The following KCNIP3 variants were observed in gnomAD, a reference collection of about 807,000 sequenced individuals.
KCNIP3 encodes the protein calsenilin.
Under a neutral mutation model 35.0 loss-of-function variants are expected in KCNIP3, and 28 were observed. The observed-to-expected ratio is 0.80, with a 90% CI of 0.59 to 1.10. The LOEUF is 1.10. KCNIP3 is among the 50% of genes least tolerant of loss of function. The pLI, the probability that KCNIP3 is intolerant of heterozygous loss-of-function variation, is 0.00. For missense variants in KCNIP3, 295 were observed against 338.4 expected, an observed-to-expected ratio of 0.87 and a Z score of 1.01; for synonymous variants, 134 against 133.8, an observed-to-expected ratio of 1.00 and a Z score of -0.01.
At chr2:95,373,612 C>T (rs1262233772) in intron 2 of KCNIP3, among the ~76,000 whole-genome samples, 3 of 151,944 alleles carry the variant, frequency 2.0e-5, no homozygotes, top group Non-Finnish European at 4.4e-5. Context: ...TTATTAGAGA[C>T]GGGGTTTCAC....
intron 2 of KCNIP3, among the ~76,000 whole-genome samples, chr2:95,326,102 TATA>T (rs1558764062): frequency 2.8e-4 from 39 of 136,980 alleles, no homozygotes; most frequent in Middle Eastern, 4.1e-3. Context: ...CATACACACA[TATA>T]CACATACACA....
chr2:95,356,633 A>G (rs945018087), intron 2 of KCNIP3, among the ~76,000 whole-genome samples: 1 of 152,014 alleles, frequency 6.6e-6, no homozygotes. Flanking sequence ...TGTTTTTGTC[A>G]GGTTTGTCAA....
chr2:95,379,103 A>G (rs1004056968), intron 5 of KCNIP3, among the ~76,000 whole-genome samples: 2 of 151,748 alleles, frequency 1.3e-5, no homozygotes, highest in Non-Finnish European at 2.9e-5. Context: ...ACTCCCTCAG[A>G]CATACAACGT....
At chr2:95,319,409 G>A (rs1379148055) in intron 2 of KCNIP3, among the ~76,000 whole-genome samples, 1 of 152,230 alleles carries the variant, frequency 6.6e-6, no homozygotes, top group Non-Finnish European at 1.5e-5. Flanking sequence ...CCCTTCCTCA[G>A]GAAGTTATTT....
At position 95,377,463 on chromosome 2, in the gene KCNIP3, G is replaced by A. The variant is rs1243981121; in HGVS notation, c.447+2255G>A. ...CTGAGCACCTGCTCCGGGCTCTGCCGGGAGACCCTCCTGTGCACTCTTGTG... is the reference window on the plus strand; with the variant it reads ...CTGAGCACCTGCTCCGGGCTCTGCCAGGAGACCCTCCTGTGCACTCTTGTG... On this transcript the variant is annotated intron_variant, in intron 5 of 8. Transcript: ENST00000295225. The surrounding 1 kb of genome is among the most constrained non-coding windows in gnomAD (Gnocchi z 4.7). Among the ~76,000 whole-genome samples the A allele has an allele frequency of 1.3e-5, 2 of 152,250 alleles. No homozygotes were observed. The highest frequency in any genetic ancestry group is 2.9e-5 in the Non-Finnish European group (2 of 68,046).
chr2:95,375,238 C>A (rs1365056987), intron 5 of KCNIP3, 30 bp downstream of exon 5: 2 of 1,600,636 alleles, frequency 1.2e-6, no homozygotes, highest in Non-Finnish European at 8.6e-7. Context: ...TCCCACGTGT[C>A]CTGCCCCTGT....
rs1186615459 is a variant in KCNIP3 at position 95,385,099 on chromosome 2, C to T, written c.*1050C>T. ...TGAAGCAGTGTCGCCGTCCCTCTGC[C>T]TTGCACAAAAAGCACAAGCATTCCT... On this transcript the variant is annotated 3_prime_UTR_variant, in exon 9 of 9. Coordinates refer to ENST00000295225, the MANE Select transcript of KCNIP3 (RefSeq NM_013434.5). 6.5e-6 allele frequency: 1 copy of T among 152,872 alleles called. No homozygotes were observed. The highest frequency in any genetic ancestry group is 1.5e-5 in the Non-Finnish European group (1 of 68,232). 9.5% of individuals were successfully genotyped at this position (152,872 alleles called of 1,614,324 possible). A position where few individuals can be genotyped will look rare whatever the true frequency, so the allele number is the denominator to read the frequency against.
intron 2 of KCNIP3, among the ~76,000 whole-genome samples, chr2:95,338,876 T>C (rs912648419): frequency 6.6e-6 from 1 of 152,120 alleles, no homozygotes; most frequent in Non-Finnish European, 1.5e-5. Flanking sequence ...CAACAGGTAT[T>C]CTTGAGTTTG....
chr2:95,305,825 G>A (rs917506731), intron 1 of KCNIP3, among the ~76,000 whole-genome samples: 5 of 152,222 alleles, frequency 3.3e-5, no homozygotes, highest in Non-Finnish European at 5.9e-5. Flanking sequence ...TGCGCCAACA[G>A]TTTGTTTGTT....
chr2:95,357,660 A>C (rs1679689498), intron 2 of KCNIP3, among the ~76,000 whole-genome samples: 1 of 152,220 alleles, frequency 6.6e-6, no homozygotes, highest in Non-Finnish European at 1.5e-5. Flanking sequence ...CAAGGCTCTC[A>C]GTGGACCCAG....
intron 2 of KCNIP3, among the ~76,000 whole-genome samples, chr2:95,337,789 C>T (rs531494924): frequency 3.3e-5 from 5 of 152,220 alleles, no homozygotes; most frequent in Non-Finnish European, 5.9e-5. Flanking sequence ...CAGTCCAGGC[C>T]ACCCTCATCT....
chr2:95,372,316 A>G (rs1680059923), intron 2 of KCNIP3, among the ~76,000 whole-genome samples: 1 of 152,162 alleles, frequency 6.6e-6, no homozygotes, highest in Non-Finnish European at 1.5e-5. Context: ...CCTGCCTGCC[A>G]TAAACCCCTG....
At chr2:95,352,950 G>A (rs1366940986) in intron 2 of KCNIP3, among the ~76,000 whole-genome samples, 1 of 152,266 alleles carries the variant, frequency 6.6e-6, no homozygotes, top group South Asian at 2.1e-4. Context: ...GTGTGCAGCT[G>A]TCAGGTTGTT....
intron 2 of KCNIP3, among the ~76,000 whole-genome samples, chr2:95,326,807 G>A (rs751384147): frequency 5.3e-5 from 8 of 152,208 alleles, no homozygotes; most frequent in Non-Finnish European, 1.0e-4. Context: ...GTGGGACCTG[G>A]CTCTGCCCAC....
At chr2:95,314,098 G>C (rs3772038) in intron 2 of KCNIP3, among the ~76,000 whole-genome samples, 1 of 152,014 alleles carries the variant, frequency 6.6e-6, no homozygotes, top group Non-Finnish European at 1.5e-5. Flanking sequence ...CATTCTCCCC[G>C]GGGTGCCATG....
At chr2:95,355,186 A>C (rs1197175642) in intron 2 of KCNIP3, 1 of 152,094 alleles carries the variant, frequency 6.6e-6, no homozygotes, top group East Asian at 1.9e-4. Context: ...AGCCTCTTAC[A>C]GGACAGGTGT....
chr2:95,379,812 T>A (rs182384723), intron 5 of KCNIP3, among the ~76,000 whole-genome samples: 1 of 152,358 alleles, frequency 6.6e-6, no homozygotes, highest in East Asian at 1.9e-4. Flanking sequence ...ATTTTGCTTT[T>A]TCTGTTTGGC....
At chr2:95,356,590 A>G in intron 2 of KCNIP3, among the ~76,000 whole-genome samples, 1 of 152,106 alleles carries the variant, frequency 6.6e-6, no homozygotes, top group African/African-American at 2.4e-5. Context: ...TCCCAGCACC[A>G]TTTATTAAAT....
intron 2 of KCNIP3, among the ~76,000 whole-genome samples, chr2:95,326,038 CACTCATAT>C (rs1678766038): frequency 6.6e-6 from 1 of 151,590 alleles, no homozygotes; most frequent in Admixed American, 6.6e-5. Context: ...TACACACATA[CACTCATAT>C]ACACACACAC....
Sources: allele counts gnomAD v4.1 joint callset (sites outside exome capture counted in the v4.1 genomes callset), GRCh38; gene constraint gnomAD v4.1.1; non-coding constraint Gnocchi (gnomAD v3.1); transcripts MANE v1.5; gene names NCBI Gene and HGNC (gene_info 2026-07-23, HGNC 2026-07-21).